SFMBT2: variants seen among roughly 807,000 people sequenced by gnomAD.
The protein encoded by SFMBT2 is scm-like with four MBT domains protein 2.
In SFMBT2, 38 loss-of-function variants were observed where a neutral mutation model predicts 110.1. The ratio of observed to expected loss-of-function variants is 0.35; its 90% CI spans 0.27 to 0.45. The LOEUF (loss-of-function observed/expected upper bound fraction) is 0.45. SFMBT2 is among the 20% of genes least tolerant of loss of function. SFMBT2 has a pLI of 1.00. For synonymous variants in SFMBT2, 425 were observed against 425.4 expected (o/e 1.00, Z 0.01); for missense variants, 1,011 against 1,094.9 (o/e 0.92, Z 1.08).
At chr10:7,191,741 T>C (rs1838607283) in intron 15 of SFMBT2, among the ~76,000 whole-genome samples, 1 of 152,240 alleles carries the variant, frequency 6.6e-6, no homozygotes, top group Non-Finnish European at 1.5e-5. Flanking sequence ...TTCATTCTGT[T>C]TGCTGCTGTA....
rs41290247 is a variant in SFMBT2 at position 7,161,183 on chromosome 10, C to A, written c.*2587G>T. On this transcript the variant is annotated 3_prime_UTR_variant, in exon 21 of 21. Transcript: ENST00000397167. ...GGCTGTATCCTTCCTGAGCTCCTGG[C>A]GGGCCACACACTCTAGCTTCCTAGA... 4 of 152,214 alleles carry A rather than the reference C, an allele frequency of 2.6e-5. No individual in the cohort carries two copies. The highest frequency in any genetic ancestry group is 4.4e-5 in the Non-Finnish European group (3 of 68,046). 9.4% of individuals were successfully genotyped at this position (152,214 alleles called of 1,614,324 possible). A position where few individuals can be genotyped will look rare whatever the true frequency, so the allele number is the denominator to read the frequency against.
chr10:7,180,118 GTTTGCTTTTT>G (rs1425487557), intron 16 of SFMBT2, among the ~76,000 whole-genome samples: 3 of 122,678 alleles, frequency 2.4e-5, no homozygotes, highest in African/African-American at 4.0e-5. Context: ...TTTTATTTAG[GTTTGCTTTTT>G]TTTGCTTTTT....
intron 11 of SFMBT2, among the ~76,000 whole-genome samples, chr10:7,213,371 C>A (rs1274279059): frequency 6.6e-6 from 1 of 152,072 alleles, no homozygotes; most frequent in Non-Finnish European, 1.5e-5. Context: ...TAGGAGGCGG[C>A]TGAAATCACA....
chr10:7,401,211 G>A (rs776523958), intron 1 of SFMBT2, among the ~76,000 whole-genome samples: 23 of 152,264 alleles, frequency 1.5e-4, no homozygotes, highest in Non-Finnish European at 3.4e-4. Flanking sequence ...ACCTTTTTAC[G>A]CACTTGGGAC....
chr10:7,203,738 C>T lies in SFMBT2; in HGVS notation c.1445-1216G>A, dbSNP rs147747686. 8.4e-4 allele frequency: 747 copies of T among 891,580 alleles called. 5 individuals are homozygous for T. In the African/African-American group the frequency reaches 0.013, roughly 15 times the overall value. 55.2% of individuals were successfully genotyped at this position (891,580 alleles called of 1,614,324 possible). ...GCAGCTTTTTTTTTGTGAGACAGAG[C>T]GGAGTATCGCTCTGTCACCCAGGCT... On this transcript the variant is annotated intron_variant, in intron 12 of 20. Coordinates refer to ENST00000397167, the MANE Select transcript of SFMBT2 (RefSeq NM_001387889.1).
In SFMBT2 at chr10:7,253,780, CA is replaced by C. The variant is rs1245636996; in HGVS notation, c.871-5132del. 2.0e-5 allele frequency among the ~76,000 whole-genome samples: 3 copies of C among 148,962 alleles called. No individual in the cohort carries two copies. In the East Asian group the frequency reaches 5.9e-4, roughly 29 times the overall value. On this transcript the variant is annotated intron_variant, in intron 7 of 20. Transcript: ENST00000397167. ...CTATAAAATGCATTGCTGTATCTTC[CA>C]GCCCTAACTTTCACTTTCTGAAAAT...
intron 4 of SFMBT2, among the ~76,000 whole-genome samples, chr10:7,307,587 C>T (rs1220363868): frequency 1.3e-5 from 2 of 152,192 alleles, no homozygotes; most frequent in East Asian, 3.8e-4. Context: ...AACAGACTCT[C>T]TGATAAATAG....
rs535188275 is a variant in SFMBT2, at chr10:7,307,724, G to A, written c.437-21770C>T. ...GGAAAGGCAAAACTACAAAGCTGTT[G>A]GAGAACAAGAATATAGAATACATTT... On this transcript the variant is annotated intron_variant, in intron 4 of 20. Coordinates refer to ENST00000397167, the MANE Select transcript of SFMBT2 (RefSeq NM_001387889.1). 4.6e-5 allele frequency among the ~76,000 whole-genome samples: 7 copies of A among 152,258 alleles called. No individual in the cohort carries two copies. In the South Asian group the frequency reaches 1.5e-3, roughly 32 times the overall value.
intron 4 of SFMBT2, among the ~76,000 whole-genome samples, chr10:7,356,395 T>TTTGTTG (rs774023100): frequency 2.0e-5 from 3 of 151,970 alleles, no homozygotes; most frequent in Admixed American, 2.0e-4. Context: ...GCTACTGCGT[T>TTTGTTG]TTGTTGTTGT....
chr10:7,344,244 G>A (rs1430568956), intron 4 of SFMBT2, among the ~76,000 whole-genome samples: 1 of 152,190 alleles, frequency 6.6e-6, no homozygotes, highest in Non-Finnish European at 1.5e-5. Context: ...GTGGACAACT[G>A]ATATGGTTTG....
intron 4 of SFMBT2, among the ~76,000 whole-genome samples, chr10:7,325,013 G>T (rs1314680781): frequency 7.0e-6 from 1 of 142,384 alleles, no homozygotes; most frequent in African/African-American, 2.7e-5. Context: ...TGTTGCCCAG[G>T]CTGGAGTGCA....
At chr10:7,197,774 C>T in intron 14 of SFMBT2, 87 bp from the exon 15 acceptor site, 1 of 1,516,034 alleles carries the variant, frequency 6.6e-7, no homozygotes, top group Non-Finnish European at 8.8e-7. Flanking sequence ...TCCACATGGT[C>T]AGGGAAAAGG....
chr10:7,262,932 A>G (rs1388493839), intron 7 of SFMBT2, among the ~76,000 whole-genome samples: 1 of 152,192 alleles, frequency 6.6e-6, no homozygotes, highest in Non-Finnish European at 1.5e-5. Context: ...GCAGTTCTGT[A>G]TGTTGCCAGG....
chr10:7,325,746 T>C (rs771173114), intron 4 of SFMBT2, among the ~76,000 whole-genome samples: 1 of 152,142 alleles, frequency 6.6e-6, no homozygotes, highest in Non-Finnish European at 1.5e-5. Context: ...TGACAGAAGA[T>C]AGTATCAGGG....
At chr10:7,370,818 G>A in intron 2 of SFMBT2, 1 of 981,064 alleles carries the variant, frequency 1.0e-6, no homozygotes, top group Non-Finnish European at 1.2e-6. Context: ...TAAAGATAAA[G>A]CACTGACTCT....
At chr10:7,208,060 T>C (rs1040855255) in intron 11 of SFMBT2, among the ~76,000 whole-genome samples, 1 of 152,256 alleles carries the variant, frequency 6.6e-6, no homozygotes, top group African/African-American at 2.4e-5. Context: ...TTCTGTCTAA[T>C]ATTGTAAGAC....
intron 1 of SFMBT2, among the ~76,000 whole-genome samples, chr10:7,409,144 A>C (rs1167489366): frequency 2.5e-5 from 2 of 80,000 alleles, no homozygotes; most frequent in Admixed American, 1.5e-4. Flanking sequence ...CCGGTCCCCC[A>C]CCTCCCACCC....
intron 7 of SFMBT2, 77 bp downstream of exon 7, chr10:7,276,814 CT>C: frequency 1.3e-6 from 1 of 772,896 alleles, no homozygotes; most frequent in Non-Finnish European, 2.4e-6. Flanking sequence ...GCATGAGCCA[CT>C]GCGCCCGGCC....
intron 4 of SFMBT2, among the ~76,000 whole-genome samples, chr10:7,346,504 C>T (rs1345100375): frequency 2.0e-5 from 3 of 152,048 alleles, no homozygotes; most frequent in African/African-American, 7.3e-5. Context: ...AAGTGCATCC[C>T]CTATTCCATC....
Sources: gnomAD v4.1 joint callset for allele counts (sites outside exome capture counted in the v4.1 genomes callset) on GRCh38, gnomAD v4.1.1 for gene constraint, MANE v1.5 for transcripts, NCBI Gene and HGNC (gene_info 2026-07-23, HGNC 2026-07-21) for gene names.